MCUB: variants seen among roughly 807,000 people sequenced by gnomAD.
The protein encoded by MCUB is calcium uniporter regulatory subunit MCUb, mitochondrial.
Under a neutral mutation model 41.4 loss-of-function variants are expected in MCUB, and 46 were observed. The ratio of observed to expected loss-of-function variants is 1.11; its 90% CI spans 0.88 to 1.42. The LOEUF is 1.42. MCUB is among the 40% of genes most tolerant of loss of function. MCUB has a pLI of 0.00. For synonymous variants in MCUB, 148 were observed against 148.2 expected, an observed-to-expected ratio of 1.00 and a Z score of 0.01; for missense variants, 403 against 404.9, an observed-to-expected ratio of 1.00 and a Z score of 0.04.
intron 1 of MCUB, among the ~76,000 whole-genome samples, chr4:109,619,243 T>A (rs923885254): frequency 1.3e-5 from 2 of 151,414 alleles, no homozygotes; most frequent in Non-Finnish European, 3.0e-5. Context: ...ACCCAGCTAA[T>A]TTTTTTTTGT....
At chr4:109,656,354 CTTTTTTTTTTTTTTTTTTTTT>C (rs752851425) in intron 1 of MCUB, among the ~76,000 whole-genome samples, 13 of 62,116 alleles carry the variant, frequency 2.1e-4, no homozygotes, top group East Asian at 1.3e-3. Context: ...TTACTCTCTA[CTTTTTTTTTTTTTTTTTTTTT>C]TTTTTTTTTT....
chr4:109,646,934 C>G (rs1010113057), intron 1 of MCUB, among the ~76,000 whole-genome samples: 2 of 152,194 alleles, frequency 1.3e-5, no homozygotes, highest in Admixed American at 1.3e-4. Flanking sequence ...AAAAAAATAA[C>G]TCAGCATTGA....
At chr4:109,629,077 T>A (rs1728421177) in intron 1 of MCUB, among the ~76,000 whole-genome samples, 1 of 152,218 alleles carries the variant, frequency 6.6e-6, no homozygotes, top group African/African-American at 2.4e-5. Flanking sequence ...GTTTTCTTCA[T>A]CTCCCTAAAT....
chr4:109,618,095 C>G (rs1728169453), intron 1 of MCUB, among the ~76,000 whole-genome samples: 1 of 152,154 alleles, frequency 6.6e-6, no homozygotes, highest in Non-Finnish European at 1.5e-5. Context: ...CATCTCAAAC[C>G]CAAGCTATAC....
intron 4 of MCUB, among the ~76,000 whole-genome samples, chr4:109,669,198 T>C (rs1194897714): frequency 6.6e-6 from 1 of 152,212 alleles, no homozygotes; most frequent in Non-Finnish European, 1.5e-5. Context: ...TTAATATTTC[T>C]TGCAAGGCAG....
At chr4:109,593,441 T>G (rs1030427315) in intron 1 of MCUB, among the ~76,000 whole-genome samples, 2 of 152,224 alleles carry the variant, frequency 1.3e-5, no homozygotes, top group African/African-American at 4.8e-5. Context: ...GTTGCCTTTT[T>G]CAAGCATGTC....
chr4:109,660,831 A>T (rs13112432), intron 3 of MCUB, among the ~76,000 whole-genome samples: 41,930 of 147,302 alleles, frequency 0.28, 6,286 homozygotes, highest in East Asian at 0.46. Context: ...AAAGAAAATT[A>T]AAAAAAAAAA....
At chr4:109,629,605 C>T (rs191508993) in intron 1 of MCUB, among the ~76,000 whole-genome samples, 2 of 152,302 alleles carry the variant, frequency 1.3e-5, no homozygotes, top group East Asian at 1.9e-4. Flanking sequence ...GTCCTCTCCT[C>T]GGGTTCTATT....
In MCUB at chr4:109,612,486, G is replaced by A. The variant is rs535882546; in HGVS notation, c.100-46525G>A. 3.4e-3 allele frequency among the ~76,000 whole-genome samples: 512 copies of A among 152,034 alleles called. 1 individual carries two copies. Among genetic ancestry groups the A allele is most frequent in the African/African-American group, 0.012 (501 of 41,466 alleles). On this transcript the variant is annotated intron_variant, in intron 1 of 7. Coordinates refer to ENST00000394650, the MANE Select transcript of MCUB (RefSeq NM_017918.5). ...TCACCATGTTGGCCAGGCTGGTCTT[G>A]AACTCCTGACCTCAGGTGATCTGAC...
At chr4:109,646,307 C>T (rs768058771) in intron 1 of MCUB, among the ~76,000 whole-genome samples, 12 of 152,298 alleles carry the variant, frequency 7.9e-5, no homozygotes, top group Non-Finnish European at 1.2e-4. Flanking sequence ...CCTCTGGCCC[C>T]CTCTTCCCCG....
At chr4:109,618,004 A>G (rs1177129379) in intron 1 of MCUB, among the ~76,000 whole-genome samples, 1 of 152,110 alleles carries the variant, frequency 6.6e-6, no homozygotes, top group Non-Finnish European at 1.5e-5. Context: ...GCATGCATCC[A>G]TTTTTGCCCA....
chr4:109,643,089 G>T (rs761202976), intron 1 of MCUB, among the ~76,000 whole-genome samples: 14 of 151,472 alleles, frequency 9.2e-5, no homozygotes, highest in Non-Finnish European at 1.5e-4. Flanking sequence ...CACCGCACCC[G>T]GCCACTCTCA....
intron 1 of MCUB, among the ~76,000 whole-genome samples, chr4:109,580,887 C>T (rs1407142054): frequency 1.3e-5 from 2 of 152,056 alleles, no homozygotes; most frequent in Non-Finnish European, 2.9e-5. Context: ...TTAATTAGAT[C>T]CCATTTGTCC....
rs1729816964 is a variant in MCUB, at chr4:109,685,378, A to AT, written c.933+11_933+12insT. The AT allele has an allele frequency of 8.9e-7, 1 of 1,125,630 alleles. No individual in the cohort carries two copies. Among genetic ancestry groups the AT allele is most frequent in the African/African-American group, 1.5e-5 (1 of 65,384 alleles). The allele number at this position is 1,125,630 out of a possible 1,614,324, so 69.7% of individuals were successfully genotyped here. A position where few individuals can be genotyped will look rare whatever the true frequency, so the allele number is the denominator to read the frequency against. Reference sequence around the variant, plus strand: ...GAAGACCTTGCTAAGGTATACTACAAATACATCTTATAGCTGGTTTGTTTG... The same window carrying AT: ...GAAGACCTTGCTAAGGTATACTACAATATACATCTTATAGCTGGTTTGTTTG... On this transcript the variant is annotated intron_variant, in intron 7 of 7. Coordinates refer to ENST00000394650, the MANE Select transcript of MCUB (RefSeq NM_017918.5).
chr4:109,576,596 G>A (rs1057268107), intron 1 of MCUB, among the ~76,000 whole-genome samples: 3 of 151,760 alleles, frequency 2.0e-5, no homozygotes, highest in African/African-American at 7.3e-5. Context: ...CATGATGTGG[G>A]AACTCTTTTG....
intron 5 of MCUB, among the ~76,000 whole-genome samples, chr4:109,683,852 G>C (rs755758670): frequency 7.6e-4 from 115 of 152,106 alleles, no homozygotes; most frequent in Non-Finnish European, 1.4e-3. Flanking sequence ...TTTTAGTTGG[G>C]TTTCAGAGGA....
intron 1 of MCUB, among the ~76,000 whole-genome samples, chr4:109,636,409 A>G (rs1459523375): frequency 6.6e-6 from 1 of 152,202 alleles, no homozygotes; most frequent in East Asian, 1.9e-4. Flanking sequence ...AGAGTGAGAT[A>G]AGAGAGGGTA....
At chr4:109,649,164 C>T (rs1418417636) in intron 1 of MCUB, among the ~76,000 whole-genome samples, 2 of 152,158 alleles carry the variant, frequency 1.3e-5, no homozygotes, top group African/African-American at 4.8e-5. Context: ...GTCCTTTTAA[C>T]TGTTGAGTTT....
At chr4:109,656,749 G>A (rs1450244985) in intron 1 of MCUB, among the ~76,000 whole-genome samples, 1 of 152,154 alleles carries the variant, frequency 6.6e-6, no homozygotes, top group African/African-American at 2.4e-5. Flanking sequence ...AATTTTGATA[G>A]AGAATTCTGA....
Sources: gnomAD v4.1 joint callset for allele counts (sites outside exome capture counted in the v4.1 genomes callset) on GRCh38, gnomAD v4.1.1 for gene constraint, MANE v1.5 for transcripts, NCBI Gene and HGNC (gene_info 2026-07-23, HGNC 2026-07-21) for gene names.